Variants in THRB observed in about 807,000 individuals in gnomAD.
THRB encodes the protein thyroid hormone receptor beta, also known as nuclear receptor subfamily 1 group A member 2.
THRB carries 12 observed loss-of-function variants against 47.8 expected under a neutral mutation model. The ratio of observed to expected loss-of-function variants is 0.25; its 90% CI spans 0.16 to 0.41. The LOEUF is 0.41. Ranked by LOEUF, THRB falls within the 10% of genes least tolerant of loss-of-function variation. The pLI, the probability that THRB is intolerant of heterozygous loss-of-function variation, is 1.00. For synonymous variants in THRB, 218 were observed against 212.2 expected, an observed-to-expected ratio of 1.03 and a Z score of -0.24; for missense variants, 348 against 589.2, an observed-to-expected ratio of 0.59 and a Z score of 4.24.
chr3:24,171,026 G>A (rs2149351776), intron 5 of THRB, among the ~76,000 whole-genome samples: 1 of 152,250 alleles, frequency 6.6e-6, no homozygotes, highest in South Asian at 2.1e-4. Context: ...CTCAGTTGAG[G>A]TTATGGAATT....
intron 3 of THRB, among the ~76,000 whole-genome samples, chr3:24,268,380 G>A (rs1287138742): frequency 6.6e-6 from 1 of 152,112 alleles, no homozygotes; most frequent in Non-Finnish European, 1.5e-5. Context: ...CAGCGAGGTG[G>A]GAAGAAATGA....
intron 1 of THRB, among the ~76,000 whole-genome samples, chr3:24,492,699 A>G (rs1293134862): frequency 6.6e-6 from 1 of 152,252 alleles, no homozygotes; most frequent in Non-Finnish European, 1.5e-5. Flanking sequence ...TGGATTAAAA[A>G]GTTGTCTTAA....
chr3:24,454,078 T>C (rs961211448), intron 1 of THRB, among the ~76,000 whole-genome samples: 1 of 152,164 alleles, frequency 6.6e-6, no homozygotes, highest in Non-Finnish European at 1.5e-5. Flanking sequence ...ATATCTCTGA[T>C]AAGAAACTTG....
chr3:24,280,633 T>A (rs1378747740), intron 3 of THRB, among the ~76,000 whole-genome samples: 3 of 152,096 alleles, frequency 2.0e-5, no homozygotes, highest in Non-Finnish European at 4.4e-5. Flanking sequence ...ACGATCAAAT[T>A]ACTCCAAGCT....
intron 1 of THRB, among the ~76,000 whole-genome samples, chr3:24,437,163 A>T (rs2071050397): frequency 6.7e-6 from 1 of 148,896 alleles, no homozygotes; most frequent in Non-Finnish European, 1.5e-5. Flanking sequence ...ATGTATATAT[A>T]TAACGAAATG....
intron 5 of THRB, among the ~76,000 whole-genome samples, chr3:24,188,858 A>AAT (rs34740399): frequency 0.14 from 12,885 of 94,142 alleles, 1,621 homozygotes; most frequent in East Asian, 0.23. Flanking sequence ...GATCTCCTCA[A>AAT]ATATATATAT....
intron 1 of THRB, among the ~76,000 whole-genome samples, chr3:24,363,940 A>G (rs1014397989): frequency 6.6e-6 from 1 of 152,144 alleles, no homozygotes; most frequent in Admixed American, 6.6e-5. Flanking sequence ...CATTTCTTAT[A>G]TGAGTCCCAA....
intron 5 of THRB, among the ~76,000 whole-genome samples, chr3:24,185,839 T>C (rs2042500524): frequency 6.6e-6 from 1 of 152,058 alleles, no homozygotes; most frequent in South Asian, 2.1e-4. Context: ...CAGTAGGGCA[T>C]GAGAGGGTAG....
chr3:24,283,407 T>C (rs1240224832), intron 3 of THRB, among the ~76,000 whole-genome samples: 1 of 151,672 alleles, frequency 6.6e-6, no homozygotes, highest in African/African-American at 2.4e-5. Flanking sequence ...AAACTCTCAA[T>C]AAATTAGGTA....
intron 2 of THRB, among the ~76,000 whole-genome samples, chr3:24,297,889 C>G (rs906373089): frequency 6.6e-6 from 1 of 152,114 alleles, no homozygotes; most frequent in African/African-American, 2.4e-5. Context: ...TGTAAGGGCC[C>G]GTGCTTTAGA....
At chr3:24,381,246 T>A (rs191747795) in intron 1 of THRB, among the ~76,000 whole-genome samples, 3 of 152,138 alleles carry the variant, frequency 2.0e-5, no homozygotes, top group Non-Finnish European at 4.4e-5. Flanking sequence ...ATTTGAAAGA[T>A]TGTGGCCAAG....
chr3:24,206,361 T>A (rs1575863572), intron 4 of THRB, among the ~76,000 whole-genome samples: 1 of 151,956 alleles, frequency 6.6e-6, no homozygotes, highest in Non-Finnish European at 1.5e-5. Flanking sequence ...TCAAAACCGC[T>A]CAACTACATG....
At chr3:24,369,899 T>C in intron 1 of THRB, among the ~76,000 whole-genome samples, 1 of 152,130 alleles carries the variant, frequency 6.6e-6, no homozygotes, top group Admixed American at 6.6e-5. Context: ...CATTCCAAAG[T>C]TTTAGGAACT....
chr3:24,393,953 G>A (rs564778729), intron 1 of THRB, among the ~76,000 whole-genome samples: 52 of 152,194 alleles, frequency 3.4e-4, no homozygotes, highest in African/African-American at 1.2e-3. Flanking sequence ...AAGGGAGGGA[G>A]GAATAAAATA....
intron 3 of THRB, among the ~76,000 whole-genome samples, chr3:24,248,140 A>C (rs190153994): frequency 7.2e-5 from 11 of 152,206 alleles, no homozygotes; most frequent in Non-Finnish European, 1.2e-4. Context: ...GCTCCATTTG[A>C]TTAGGATATT....
In THRB at chr3:24,371,301, C is replaced by T. The variant is rs75500315; in HGVS notation, c.-260-33930G>A. ...AATTCTAGAACCTAGGTAACATCAT[C>T]CAGAGCATAGGTCCACATAAAAGAG... On this transcript the variant is annotated intron_variant, in intron 1 of 10. Transcript: ENST00000646209. Among the ~76,000 whole-genome samples the T allele has an allele frequency of 4.8e-3, 725 of 152,132 alleles. 7 individuals carry two copies. Among genetic ancestry groups the T allele is most frequent in the African/African-American group, 0.017 (705 of 41,516 alleles).
At chr3:24,139,808 T>C (rs2035203214) in intron 8 of THRB, among the ~76,000 whole-genome samples, 1 of 152,228 alleles carries the variant, frequency 6.6e-6, no homozygotes, top group African/African-American at 2.4e-5. Flanking sequence ...GATAAATGAA[T>C]ACTTTCAGCT....
intron 3 of THRB, among the ~76,000 whole-genome samples, chr3:24,270,773 C>A (rs1381786225): frequency 3.9e-5 from 6 of 152,208 alleles, no homozygotes; most frequent in African/African-American, 1.4e-4. Flanking sequence ...CTTTTGCCCT[C>A]TGGATCTTTT....
chr3:24,378,782 C>A (rs556058684), intron 1 of THRB, among the ~76,000 whole-genome samples: 3 of 151,960 alleles, frequency 2.0e-5, no homozygotes, highest in East Asian at 1.9e-4. Flanking sequence ...AGGAAACTAA[C>A]TTTATTAATA....
Sources: gnomAD v4.1 joint callset for allele counts (sites outside exome capture counted in the v4.1 genomes callset) on GRCh38, gnomAD v4.1.1 for gene constraint, MANE v1.5 for transcripts, NCBI Gene and HGNC (gene_info 2026-07-23, HGNC 2026-07-21) for gene names.